TPP2: variants seen among roughly 807,000 people sequenced by gnomAD.
The protein encoded by TPP2 is tripeptidyl peptidase 2, also known as tripeptidyl-peptidase 2.
In TPP2, 34 loss-of-function variants were observed where a neutral mutation model predicts 155.9. That is an observed-to-expected ratio of 0.22 (90% CI 0.17 to 0.29). The LOEUF is 0.29. Among genes scored for constraint, TPP2 ranks in the 10% least tolerant of loss-of-function variants. The probability of loss-of-function intolerance (pLI) is 1.00; values close to 1 mark genes in which losing one functional copy is unlikely to be tolerated. For synonymous variants in TPP2, 510 were observed against 529.4 expected, an observed-to-expected ratio of 0.96 and a Z score of 0.50; for missense variants, 1,028 against 1,522.3, an observed-to-expected ratio of 0.68 and a Z score of 5.40.
Position 102,657,040 on chromosome 13 carries a change from C to G in TPP2, c.2992-16C>G. On this transcript the variant is annotated splice_polypyrimidine_tract_variant and intron_variant, in intron 24 of 29. Coordinates refer to ENST00000376052, the MANE Select transcript of TPP2 (RefSeq NM_001330588.2). Reference sequence around the variant, plus strand: ...ATTAAGCATATTAATCTAAGAATCTCTCTCCACATTCGTAGGATGTAATCC... The same window carrying G: ...ATTAAGCATATTAATCTAAGAATCTGTCTCCACATTCGTAGGATGTAATCC... 6.3e-7 allele frequency: 1 copy of G among 1,575,564 alleles called. No individual in the cohort carries two copies.
intron 24 of TPP2, among the ~76,000 whole-genome samples, chr13:102,655,532 T>C (rs1883798899): frequency 1.3e-5 from 2 of 152,216 alleles, no homozygotes; most frequent in Admixed American, 1.3e-4. Context: ...ATCTAGCAGG[T>C]ATAGCATGTG....
intron 8 of TPP2, among the ~76,000 whole-genome samples, chr13:102,628,910 G>A (rs1365244375): frequency 6.6e-6 from 1 of 151,968 alleles, no homozygotes; most frequent in Non-Finnish European, 1.5e-5. Context: ...CAACTTTGAA[G>A]GGTCCTGTGC....
At chr13:102,619,232 T>G (rs918191775) in intron 5 of TPP2, among the ~76,000 whole-genome samples, 8 of 152,238 alleles carry the variant, frequency 5.3e-5, no homozygotes, top group Non-Finnish European at 1.0e-4. Context: ...TGCTGCTGTT[T>G]CTATTACTAA....
chr13:102,632,684 T>TA (rs749614803), intron 10 of TPP2, among the ~76,000 whole-genome samples: 14 of 152,220 alleles, frequency 9.2e-5, no homozygotes, highest in Non-Finnish European at 1.8e-4. Flanking sequence ...TGCTATCAAA[T>TA]ACCAATGCTC....
At chr13:102,622,558 C>G (rs116021117) in intron 5 of TPP2, among the ~76,000 whole-genome samples, 2 of 152,322 alleles carry the variant, frequency 1.3e-5, no homozygotes, top group African/African-American at 4.8e-5. Flanking sequence ...TGTGTCTGAA[C>G]TATCCTAAAC....
intron 27 of TPP2, among the ~76,000 whole-genome samples, chr13:102,668,555 CA>C (rs1884756728): frequency 6.6e-6 from 1 of 152,110 alleles, no homozygotes; most frequent in Non-Finnish European, 1.5e-5. Context: ...CACCTCAGTC[CA>C]ATGTGTGCTG....
At chr13:102,623,236 T>C (rs774623545) in intron 6 of TPP2, among the ~76,000 whole-genome samples, 196 bp downstream of exon 6, 4 of 152,156 alleles carry the variant, frequency 2.6e-5, no homozygotes, top group Non-Finnish European at 4.4e-5. Context: ...TGGGATCCAG[T>C]CCAAGAATAT....
intron 27 of TPP2, chr13:102,667,891 G>A (rs1252330949): frequency 2.2e-6 from 2 of 922,496 alleles, no homozygotes; most frequent in Non-Finnish European, 2.6e-6. Flanking sequence ...CAGGTATCCA[G>A]TGAAAGAGTG....
At chr13:102,650,851 G>T (rs1883440077) in intron 23 of TPP2, among the ~76,000 whole-genome samples, 1 of 152,162 alleles carries the variant, frequency 6.6e-6, no homozygotes, top group South Asian at 2.1e-4. Flanking sequence ...CTGGGAGAAA[G>T]CAGTAACTTA....
At position 102,663,606 on chromosome 13, in the gene TPP2, A is replaced by G. The variant is rs774310508; in HGVS notation, c.3144-42A>G. The G allele has an allele frequency of 5.2e-5, 73 of 1,408,180 alleles. No individual in the cohort carries two copies. The South Asian group carries it at 9.0e-4, about 17-fold the overall frequency. 87.2% of individuals were successfully genotyped at this position (1,408,180 alleles called of 1,614,324 possible). The stretch of plus-strand genomic sequence containing the variant: ...AATAGAGAAGACAAATAGTCTTTTT[A>G]AAAGAAAAAAGTAAATATTTCTCTC... On this transcript the variant is annotated intron_variant, in intron 25 of 29. Transcript: ENST00000376052.
At chr13:102,626,078 C>T (rs1689762546) in intron 6 of TPP2, among the ~76,000 whole-genome samples, 1 of 152,132 alleles carries the variant, frequency 6.6e-6, no homozygotes, top group African/African-American at 2.4e-5. Context: ...AGAAATGAAA[C>T]ATAATGAAAC....
At chr13:102,656,911 G>T in intron 24 of TPP2, 145 bp from the exon 25 acceptor site, 1 of 684,840 alleles carries the variant, frequency 1.5e-6, no homozygotes, top group Non-Finnish European at 2.2e-6. Flanking sequence ...TGGAATTTTT[G>T]GTGTATTGTG....
At chr13:102,618,136 C>T (rs1880886351) in intron 4 of TPP2, among the ~76,000 whole-genome samples, 1 of 152,102 alleles carries the variant, frequency 6.6e-6, no homozygotes, top group African/African-American at 2.4e-5. Context: ...CAGTTGTTGT[C>T]TAGTGTGTAC....
chr13:102,626,920 C>CT, intron 6 of TPP2, 92 bp from the exon 7 acceptor site: 1 of 1,319,252 alleles, frequency 7.6e-7, no homozygotes. Context: ...AATGTGTATT[C>CT]TTTTTATCAT....
At chr13:102,641,142 A>G (rs1177368572) in intron 16 of TPP2, among the ~76,000 whole-genome samples, 2 of 152,356 alleles carry the variant, frequency 1.3e-5, no homozygotes, top group Non-Finnish European at 2.9e-5. Flanking sequence ...TTAACATGTT[A>G]TAGTCCTGTG....
At chr13:102,649,888 G>C (rs1292032593) in intron 23 of TPP2, among the ~76,000 whole-genome samples, 1 of 152,068 alleles carries the variant, frequency 6.6e-6, no homozygotes, top group Non-Finnish European at 1.5e-5. Context: ...ATGGACATAG[G>C]AATAAATCAG....
In TPP2 at chr13:102,628,476, G is replaced by A. The variant is rs116390360; in HGVS notation, c.1016+552G>A. 4.0e-3 allele frequency among the ~76,000 whole-genome samples: 604 copies of A among 152,126 alleles called. 1 individual carries two copies. Among genetic ancestry groups the A allele is most frequent in the African/African-American group, 0.012 (516 of 41,476 alleles). On this transcript the variant is annotated intron_variant, in intron 8 of 29. Coordinates refer to ENST00000376052, the MANE Select transcript of TPP2 (RefSeq NM_001330588.2). ...ATCTGCAAAACTTACTGTTGGTTGC[G>A]TATGTTCACTAACTCGGTCAGTTTT...
intron 2 of TPP2, among the ~76,000 whole-genome samples, chr13:102,610,097 GGAA>G (rs1880164751): frequency 6.6e-6 from 1 of 152,140 alleles, no homozygotes; most frequent in South Asian, 2.1e-4. Context: ...GTCAATAAAA[GGAA>G]GAATTATTAA....
chr13:102,677,763 GTAC>G (rs1885378933), intron 29 of TPP2, among the ~76,000 whole-genome samples: 1 of 152,158 alleles, frequency 6.6e-6, no homozygotes, highest in Non-Finnish European at 1.5e-5. Flanking sequence ...TATTTCTACT[GTAC>G]ACCTGATAAA....
Sources: allele counts gnomAD v4.1 joint callset (sites outside exome capture counted in the v4.1 genomes callset), GRCh38; gene constraint gnomAD v4.1.1; transcripts MANE v1.5; gene names NCBI Gene and HGNC (gene_info 2026-07-23, HGNC 2026-07-21).